The following CNTN4 variants were observed in gnomAD, a reference collection of about 807,000 sequenced individuals.
The protein encoded by CNTN4 is contactin 4.
In CNTN4, 77 loss-of-function variants were observed where a neutral mutation model predicts 122.5. That is an observed-to-expected ratio of 0.63 (90% confidence interval 0.52 to 0.76). The LOEUF is 0.76. CNTN4 is among the 30% of genes least tolerant of loss of function. CNTN4 has a pLI of 0.00. For missense variants in CNTN4, 1,256 were observed against 1,259.1 expected (o/e 1.00, Z 0.04); for synonymous variants, 512 against 447.0 (o/e 1.15, Z -1.83).
At chr3:2,680,385 C>T (rs1257199955) in intron 4 of CNTN4, among the ~76,000 whole-genome samples, 1 of 152,118 alleles carries the variant, frequency 6.6e-6, no homozygotes, top group South Asian at 2.1e-4. Context: ...ATGATGTTAG[C>T]AAATTGTCAA....
intron 13 of CNTN4, among the ~76,000 whole-genome samples, chr3:2,979,768 C>T (rs577636376): frequency 2.2e-4 from 33 of 152,222 alleles, no homozygotes; most frequent in Non-Finnish European, 4.4e-4. Flanking sequence ...TAATTTCTTT[C>T]TTTGCAGAAG....
chr3:2,315,374 A>T (rs12494110), intron 2 of CNTN4, among the ~76,000 whole-genome samples: 6 of 151,842 alleles, frequency 4.0e-5, no homozygotes, highest in Admixed American at 3.9e-4. Flanking sequence ...TGTATTCATC[A>T]GTTTCCCAAA....
At chr3:2,926,197 G>C (rs927887755) in intron 13 of CNTN4, among the ~76,000 whole-genome samples, 5 of 152,096 alleles carry the variant, frequency 3.3e-5, no homozygotes, top group Admixed American at 6.6e-5. Context: ...TCTCCTGTTA[G>C]TTTCTCCTTT....
At chr3:2,486,145 G>C (rs1575744494) in intron 3 of CNTN4, among the ~76,000 whole-genome samples, 2 of 152,202 alleles carry the variant, frequency 1.3e-5, no homozygotes, top group South Asian at 4.2e-4. Flanking sequence ...TACCTTAAGA[G>C]CTGTAACACT....
At chr3:3,007,167 C>G (rs549565976) in intron 14 of CNTN4, among the ~76,000 whole-genome samples, 29 of 152,312 alleles carry the variant, frequency 1.9e-4, no homozygotes, top group African/African-American at 7.0e-4. Flanking sequence ...TATTATAGAA[C>G]CCACAAATCA....
At chr3:2,449,479 G>C (rs1348487834) in intron 3 of CNTN4, among the ~76,000 whole-genome samples, 1 of 152,096 alleles carries the variant, frequency 6.6e-6, no homozygotes, top group African/African-American at 2.4e-5. Flanking sequence ...GCCGGGCGTG[G>C]TGATGCACCC....
intron 2 of CNTN4, among the ~76,000 whole-genome samples, chr3:2,338,131 G>C (rs2044031845): frequency 6.6e-6 from 1 of 151,980 alleles, no homozygotes; most frequent in African/African-American, 2.4e-5. Flanking sequence ...ATTTGTTTTA[G>C]GGGTATATGA....
At chr3:2,665,389 C>A (rs1223536199) in intron 4 of CNTN4, among the ~76,000 whole-genome samples, 2 of 152,118 alleles carry the variant, frequency 1.3e-5, no homozygotes, top group Admixed American at 6.6e-5. Flanking sequence ...CATTTTCAAA[C>A]ACAAATCAGA....
At chr3:2,795,587 C>G (rs1197348540) in intron 6 of CNTN4, among the ~76,000 whole-genome samples, 1 of 148,860 alleles carries the variant, frequency 6.7e-6, no homozygotes, top group Non-Finnish European at 1.5e-5. Context: ...GTGGTGCCAT[C>G]TCGGCTCAGT....
chr3:2,227,200 C>A (rs2039318900), intron 2 of CNTN4, among the ~76,000 whole-genome samples: 1 of 152,096 alleles, frequency 6.6e-6, no homozygotes, highest in Non-Finnish European at 1.5e-5. Flanking sequence ...TGTGGATTTG[C>A]AAACTTCTAT....
intron 6 of CNTN4, among the ~76,000 whole-genome samples, chr3:2,804,131 A>G (rs2092411729): frequency 6.6e-6 from 1 of 151,970 alleles, no homozygotes; most frequent in South Asian, 2.1e-4. Context: ...AAAACACATG[A>G]CAAACAAAAT....
chr3:2,413,411 T>C (rs1315803917), intron 3 of CNTN4, among the ~76,000 whole-genome samples: 1 of 152,324 alleles, frequency 6.6e-6, no homozygotes, highest in Admixed American at 6.5e-5. Context: ...ATTGGGAAAA[T>C]GGTGTTAAGT....
chr3:2,865,486 G>A (rs942687980), intron 7 of CNTN4, among the ~76,000 whole-genome samples: 2 of 152,140 alleles, frequency 1.3e-5, no homozygotes, highest in Non-Finnish European at 2.9e-5. Flanking sequence ...CTTTAGCTCA[G>A]GATCATATGA....
chr3:2,667,652 A>G (rs1559365495), intron 4 of CNTN4, among the ~76,000 whole-genome samples: 1 of 139,874 alleles, frequency 7.1e-6, no homozygotes, highest in Non-Finnish European at 1.5e-5. Context: ...TGTTTTAGAC[A>G]TGAAGTCCTT....
chr3:2,446,634 C>G (rs920337587), intron 3 of CNTN4, among the ~76,000 whole-genome samples: 7 of 152,162 alleles, frequency 4.6e-5, no homozygotes, highest in African/African-American at 7.2e-5. Context: ...TGGAGCTTGT[C>G]TCTCTAAGTG....
In CNTN4 at chr3:3,056,528, A is replaced by G. The variant is rs994011229; in HGVS notation, c.*308A>G. ...TATTTAGTGTTTTATAGAATTTTTTAAAGTTAACATATAATGTAGATATTA... is the reference window on the plus strand; with the variant it reads ...TATTTAGTGTTTTATAGAATTTTTTGAAGTTAACATATAATGTAGATATTA... On this transcript the variant is annotated 3_prime_UTR_variant, in exon 25 of 25. Coordinates refer to ENST00000418658, the MANE Select transcript of CNTN4 (RefSeq NM_175607.3). 1 of 174,442 alleles carries G rather than the reference A, an allele frequency of 5.7e-6. No homozygotes were observed. The highest frequency in any genetic ancestry group is 2.4e-5 in the African/African-American group (1 of 42,108). The allele number at this position is 174,442 out of a possible 1,614,324, so 10.8% of individuals were successfully genotyped here.
At chr3:2,879,145 C>A (rs989452421) in intron 8 of CNTN4, among the ~76,000 whole-genome samples, 1 of 152,044 alleles carries the variant, frequency 6.6e-6, no homozygotes, top group Admixed American at 6.6e-5. Context: ...GTAAGATGGG[C>A]CATAGATCCA....
intron 10 of CNTN4, among the ~76,000 whole-genome samples, chr3:2,890,626 C>A (rs2094028451): frequency 6.6e-6 from 1 of 152,080 alleles, no homozygotes; most frequent in Non-Finnish European, 1.5e-5. Flanking sequence ...GCATTAAAAC[C>A]ATTTTGCCTT....
At chr3:2,572,717 T>C (rs907080412) in intron 4 of CNTN4, among the ~76,000 whole-genome samples, 2 of 152,198 alleles carry the variant, frequency 1.3e-5, no homozygotes, top group African/African-American at 4.8e-5. Flanking sequence ...ATAATGTTAC[T>C]GAGTACCGTG....
Sources: gnomAD v4.1 joint callset for allele counts (sites outside exome capture counted in the v4.1 genomes callset) on GRCh38, gnomAD v4.1.1 for gene constraint, MANE v1.5 for transcripts, NCBI Gene and HGNC (gene_info 2026-07-23, HGNC 2026-07-21) for gene names.